The following CNTNAP2 variants were observed in gnomAD, a reference collection of about 807,000 sequenced individuals.
CNTNAP2 encodes the protein contactin-associated protein-like 2.
CNTNAP2 carries 98 observed loss-of-function variants against 155.2 expected under a neutral mutation model. The ratio of observed to expected loss-of-function variants is 0.63; its 90% confidence interval spans 0.54 to 0.75. The LOEUF is 0.75. CNTNAP2 is among the 30% of genes least tolerant of loss of function. The pLI is 0.00. For synonymous variants in CNTNAP2, 651 were observed against 631.2 expected, an observed-to-expected ratio of 1.03 and a Z score of -0.47; for missense variants, 1,727 against 1,688.1, an observed-to-expected ratio of 1.02 and a Z score of -0.40.
intron 2 of CNTNAP2, among the ~76,000 whole-genome samples, chr7:146,800,417 G>T (rs1802853804): frequency 6.6e-6 from 1 of 152,214 alleles, no homozygotes; most frequent in South Asian, 2.1e-4. Flanking sequence ...CAGAAAATCA[G>T]TTTGGCACAG....
intron 21 of CNTNAP2, among the ~76,000 whole-genome samples, chr7:148,359,324 T>C (rs190156203): frequency 4.6e-5 from 7 of 152,372 alleles, no homozygotes; most frequent in African/African-American, 1.7e-4. Context: ...TAGTACTTGC[T>C]ACAGTTGCAA....
At chr7:148,314,667 T>G (rs1298157436) in intron 21 of CNTNAP2, among the ~76,000 whole-genome samples, 2 of 151,344 alleles carry the variant, frequency 1.3e-5, no homozygotes, top group African/African-American at 4.9e-5. Flanking sequence ...TGGGGGGTTC[T>G]TGCCCCCCAG....
chr7:147,401,139 AG>A (rs1417566177), intron 10 of CNTNAP2, among the ~76,000 whole-genome samples: 2 of 152,202 alleles, frequency 1.3e-5, no homozygotes, highest in Non-Finnish European at 2.9e-5. Context: ...ACTAGTAAAA[AG>A]TGACTCATTA....
chr7:147,002,729 T>C (rs974307391), intron 3 of CNTNAP2, among the ~76,000 whole-genome samples: 1 of 151,828 alleles, frequency 6.6e-6, no homozygotes, highest in Non-Finnish European at 1.5e-5. Context: ...TGATAGATGG[T>C]GCCTTCTAGC....
chr7:147,605,783 C>T (rs1801050606), intron 12 of CNTNAP2, among the ~76,000 whole-genome samples: 1 of 152,076 alleles, frequency 6.6e-6, no homozygotes, highest in Admixed American at 6.6e-5. Flanking sequence ...GAACTTGGTT[C>T]TCCTTCAGTT....
intron 3 of CNTNAP2, among the ~76,000 whole-genome samples, chr7:146,933,374 TG>T (rs1278142478): frequency 6.6e-6 from 1 of 151,294 alleles, no homozygotes; most frequent in East Asian, 1.9e-4. Flanking sequence ...CTGGGAAAAC[TG>T]GCTAGCCATA....
chr7:146,610,144 A>C (rs1799110285), intron 1 of CNTNAP2, among the ~76,000 whole-genome samples: 1 of 152,202 alleles, frequency 6.6e-6, no homozygotes, highest in Non-Finnish European at 1.5e-5. Context: ...ACCGAATAAT[A>C]ATAATCATCA....
intron 13 of CNTNAP2, among the ~76,000 whole-genome samples, chr7:147,763,419 C>CT (rs57029271): frequency 0.37 from 52,475 of 143,022 alleles, 10,825 homozygotes; most frequent in African/African-American, 0.59. Flanking sequence ...ACAAATTTTT[C>CT]TTTTTTTTTT....
At chr7:147,071,999 G>A (rs1799901659) in intron 4 of CNTNAP2, among the ~76,000 whole-genome samples, 1 of 152,174 alleles carries the variant, frequency 6.6e-6, no homozygotes, top group Non-Finnish European at 1.5e-5. Flanking sequence ...GATCTGCACA[G>A]TGGAGGTCAT....
intron 1 of CNTNAP2, among the ~76,000 whole-genome samples, chr7:146,264,885 C>G (rs1799970480): frequency 6.6e-6 from 1 of 152,172 alleles, no homozygotes. Context: ...GGAAATGCCA[C>G]TCTGGTCATT....
At chr7:147,282,060 C>T (rs929563967) in intron 8 of CNTNAP2, among the ~76,000 whole-genome samples, 10 of 151,848 alleles carry the variant, frequency 6.6e-5, no homozygotes, top group South Asian at 2.1e-4. Context: ...TGACTTAATT[C>T]GCTCATCCGG....
intron 3 of CNTNAP2, among the ~76,000 whole-genome samples, chr7:146,966,039 C>G (rs963691884): frequency 6.6e-6 from 1 of 152,200 alleles, no homozygotes; most frequent in Non-Finnish European, 1.5e-5. Context: ...TGGCTGGACA[C>G]CACAATTTCT....
In CNTNAP2 at chr7:146,322,489, G is replaced by T. The variant is rs554735316; in HGVS notation, c.97+205516G>T. On this transcript the variant is annotated intron_variant, in intron 1 of 23. Coordinates refer to ENST00000361727, the MANE Select transcript of CNTNAP2 (RefSeq NM_014141.6). Reference sequence around the variant, plus strand: ...GGAAGGTTTTCTTCCAGGTATTGTTGCTTGTATCCTAGAATGATTTCATTC... The same window carrying T: ...GGAAGGTTTTCTTCCAGGTATTGTTTCTTGTATCCTAGAATGATTTCATTC... 1.8e-4 allele frequency among the ~76,000 whole-genome samples: 27 copies of T among 152,164 alleles called. 1 individual carries two copies. In the East Asian group the frequency reaches 5.0e-3, roughly 28 times the overall value.
intron 21 of CNTNAP2, among the ~76,000 whole-genome samples, chr7:148,296,545 C>CAAGAA (rs1797289635): frequency 1.3e-5 from 1 of 76,608 alleles, no homozygotes; most frequent in Non-Finnish European, 2.4e-5. Flanking sequence ...GACTCTGTCT[C>CAAGAA]AAAAAAAAAA....
intron 1 of CNTNAP2, among the ~76,000 whole-genome samples, chr7:146,452,694 A>G (rs1027366603): frequency 3.3e-5 from 5 of 152,140 alleles, no homozygotes; most frequent in African/African-American, 1.2e-4. Context: ...TTTAACATTT[A>G]CTTTTACTTA....
chr7:146,193,280 T>C (rs1371618499), intron 1 of CNTNAP2, among the ~76,000 whole-genome samples: 1 of 152,214 alleles, frequency 6.6e-6, no homozygotes, highest in Non-Finnish European at 1.5e-5. Context: ...CTGGGGACTC[T>C]GTGTGGGGGC....
chr7:146,457,536 A>G (rs1202189096), intron 1 of CNTNAP2, among the ~76,000 whole-genome samples: 1 of 98,452 alleles, frequency 1.0e-5, no homozygotes, highest in African/African-American at 4.1e-5. Context: ...ATATATATAT[A>G]GTCACCCAGG....
At chr7:147,281,670 T>C (rs1281288184) in intron 8 of CNTNAP2, among the ~76,000 whole-genome samples, 3 of 151,836 alleles carry the variant, frequency 2.0e-5, no homozygotes, top group Non-Finnish European at 2.9e-5. Flanking sequence ...TTAAGAGAAA[T>C]ATATTCATGA....
chr7:147,429,801 A>T (rs1797437065), intron 10 of CNTNAP2, among the ~76,000 whole-genome samples: 1 of 152,072 alleles, frequency 6.6e-6, no homozygotes, highest in Non-Finnish European at 1.5e-5. Flanking sequence ...TTCCAGCACC[A>T]TTTGTTTAAT....
Sources: allele counts gnomAD v4.1 joint callset (sites outside exome capture counted in the v4.1 genomes callset), GRCh38; gene constraint gnomAD v4.1.1; transcripts MANE v1.5; gene names NCBI Gene and HGNC (gene_info 2026-07-23, HGNC 2026-07-21).